RAB1A: variants seen among roughly 807,000 people sequenced by gnomAD.
The protein encoded by RAB1A is ras-related protein Rab-1A.
RAB1A carries 2 observed loss-of-function variants against 26.0 expected under a neutral mutation model. The observed-to-expected ratio is 0.08, with a 90% CI of 0.03 to 0.24. The LOEUF is 0.24. Ranked by LOEUF, RAB1A falls within the 10% of genes least tolerant of loss-of-function variation. The probability of loss-of-function intolerance (pLI) is 1.00; values close to 1 mark genes in which losing one functional copy is unlikely to be tolerated. For synonymous variants in RAB1A, 84 were observed against 84.9 expected (o/e 0.99, Z 0.06); for missense variants, 100 against 247.0 (o/e 0.40, Z 3.99).
intron 1 of RAB1A, among the ~76,000 whole-genome samples, chr2:65,116,377 G>C (rs534848901): frequency 2.0e-5 from 3 of 152,124 alleles, no homozygotes; most frequent in Admixed American, 6.6e-5. Flanking sequence ...TTTGGACCTG[G>C]AAGACCCGTA....
At chr2:65,106,717 C>A (rs1430288988) in intron 1 of RAB1A, among the ~76,000 whole-genome samples, 1 of 81,838 alleles carries the variant, frequency 1.2e-5, no homozygotes, top group African/African-American at 4.1e-5. Context: ...GACATCCTTT[C>A]CAGTTTGAGA....
At chr2:65,101,374 T>C (rs908189847) in intron 2 of RAB1A, among the ~76,000 whole-genome samples, 10 of 152,192 alleles carry the variant, frequency 6.6e-5, no homozygotes, top group South Asian at 2.1e-4. Flanking sequence ...CCTCAGCCAA[T>C]AGATTCTTCC....
At chr2:65,116,316 GAAC>G (rs1669825320) in intron 1 of RAB1A, among the ~76,000 whole-genome samples, 1 of 152,128 alleles carries the variant, frequency 6.6e-6, no homozygotes, top group African/African-American at 2.4e-5. Flanking sequence ...AACACACCAA[GAAC>G]GGGGTGTCAA....
rs981034396 is a variant in RAB1A at position 65,087,845 on chromosome 2, TCAAAA to T, written c.*643_*647del. 2 of 152,672 alleles carry T rather than the reference TCAAAA, an allele frequency of 1.3e-5. No individual in the cohort carries two copies. The highest frequency in any genetic ancestry group is 2.9e-5 in the Non-Finnish European group (2 of 68,060). 9.5% of individuals were successfully genotyped at this position (152,672 alleles called of 1,614,324 possible). Reference sequence around the variant, plus strand: ...CTCTATTTCCCTTTAACCATAAGAATCAAAACAATACTTATCACCATACAGTTTGA... The same window carrying T: ...CTCTATTTCCCTTTAACCATAAGAATCAATACTTATCACCATACAGTTTGA... On this transcript the variant is annotated 3_prime_UTR_variant, in exon 6 of 6. Coordinates refer to ENST00000409784, the MANE Select transcript of RAB1A (RefSeq NM_004161.5).
intron 1 of RAB1A, among the ~76,000 whole-genome samples, chr2:65,118,917 A>AGT (rs1378389011): frequency 2.0e-5 from 3 of 152,186 alleles, no homozygotes; most frequent in African/African-American, 7.2e-5. Flanking sequence ...GGCCAGGTAC[A>AGT]GTGGCTCATG....
At position 65,087,194 on chromosome 2, in the gene RAB1A, TCA is replaced by T. The variant is rs1487858749; in HGVS notation, c.*1297_*1298del. ...GTGTGGGCAGAAGATTTTTTATTCCTCACAATTAAAAACCAAACAAAACCCCC... is the reference window on the plus strand; with the variant it reads ...GTGTGGGCAGAAGATTTTTTATTCCTCAATTAAAAACCAAACAAAACCCCC... On this transcript the variant is annotated 3_prime_UTR_variant, in exon 6 of 6. Transcript: ENST00000409784. 1 of 152,492 alleles carries T rather than the reference TCA, an allele frequency of 6.6e-6. No homozygotes were observed. The highest frequency in any genetic ancestry group is 1.9e-4 in the East Asian group (1 of 5,198). The allele number at this position is 152,492 out of a possible 1,614,324, so 9.4% of individuals were successfully genotyped here. A position where few individuals can be genotyped will look rare whatever the true frequency, so the allele number is the denominator to read the frequency against.
intron 1 of RAB1A, chr2:65,106,261 T>G (rs1314218361): frequency 1.9e-5 from 4 of 211,170 alleles, no homozygotes; most frequent in Non-Finnish European, 3.9e-5. Context: ...ACCTTAGAAT[T>G]TATATATCGT....
At chr2:65,118,109 T>G (rs6546127) in intron 1 of RAB1A, among the ~76,000 whole-genome samples, 136,012 of 152,174 alleles carry the variant, frequency 0.89, 60,906 homozygotes, top group East Asian at 1. Flanking sequence ...AAACTTTCTG[T>G]CTGGTGGGAA....
chr2:65,126,450 AC>A (rs1440822697), intron 1 of RAB1A, among the ~76,000 whole-genome samples: 2 of 152,156 alleles, frequency 1.3e-5, no homozygotes, highest in Non-Finnish European at 2.9e-5. Flanking sequence ...CAAAAAAAAA[AC>A]AAAACAAACA....
chr2:65,103,143 T>G (rs539986248), intron 2 of RAB1A, among the ~76,000 whole-genome samples: 1 of 151,484 alleles, frequency 6.6e-6, no homozygotes, highest in African/African-American at 2.4e-5. Flanking sequence ...CAGTGAGACC[T>G]TGTCACTACA....
At chr2:65,103,552 A>C (rs188227117) in intron 2 of RAB1A, among the ~76,000 whole-genome samples, 19 of 152,232 alleles carry the variant, frequency 1.2e-4, no homozygotes, top group African/African-American at 4.6e-4. Context: ...AATTTTACCC[A>C]CATGCTTTTG....
intron 1 of RAB1A, among the ~76,000 whole-genome samples, chr2:65,108,093 C>A (rs1217712317): frequency 6.7e-6 from 1 of 149,440 alleles, no homozygotes; most frequent in Non-Finnish European, 1.5e-5. Context: ...TATTTCAGAG[C>A]AACCATAAAG....
At chr2:65,098,836 C>CTTTTTTTTTTT (rs70943624) in intron 2 of RAB1A, among the ~76,000 whole-genome samples, 40 of 103,362 alleles carry the variant, frequency 3.9e-4, no homozygotes, top group Non-Finnish European at 4.4e-4. Context: ...AACAGTACTT[C>CTTTTTTTTTTT]TTTTTTTTTT....
rs192076272 is a variant in RAB1A at position 65,103,441 on chromosome 2, G to A, written c.96+1293C>T. ...GGACAATCTTCAATAAAAATGGCAC[G>A]GCTTGTTTTTGTTCCTGTGAGGGCA... On this transcript the variant is annotated intron_variant, in intron 2 of 5. Coordinates refer to ENST00000409784, the MANE Select transcript of RAB1A (RefSeq NM_004161.5). Among the ~76,000 whole-genome samples the A allele has an allele frequency of 4.6e-5, 7 of 151,958 alleles. No individual in the cohort carries two copies. The East Asian group carries it at 5.8e-4, about 13-fold the overall frequency.
At chr2:65,120,383 G>A (rs1276960068) in intron 1 of RAB1A, among the ~76,000 whole-genome samples, 1 of 149,908 alleles carries the variant, frequency 6.7e-6, no homozygotes, top group Non-Finnish European at 1.5e-5. Flanking sequence ...TTGAACCTGG[G>A]AGGTGGAGGT....
chr2:65,118,827 T>C (rs1669883200), intron 1 of RAB1A, among the ~76,000 whole-genome samples: 1 of 152,170 alleles, frequency 6.6e-6, no homozygotes, highest in Non-Finnish European at 1.5e-5. Context: ...AAATTCTCCA[T>C]GTGTGTACCT....
chr2:65,112,576 C>G (rs1174837323), intron 1 of RAB1A, among the ~76,000 whole-genome samples: 2 of 152,100 alleles, frequency 1.3e-5, no homozygotes, highest in African/African-American at 4.8e-5. Flanking sequence ...GTGAAAAATT[C>G]TGTTGAACTG....
chr2:65,120,211 A>G (rs1300501148), intron 1 of RAB1A, among the ~76,000 whole-genome samples: 3 of 152,126 alleles, frequency 2.0e-5, no homozygotes, highest in Admixed American at 1.3e-4. Context: ...TAATCCCAGC[A>G]CTTTGGGAGG....
At chr2:65,119,312 C>G (rs970950198) in intron 1 of RAB1A, among the ~76,000 whole-genome samples, 1 of 152,072 alleles carries the variant, frequency 6.6e-6, no homozygotes, top group Admixed American at 6.6e-5. Flanking sequence ...TCGAGACCAG[C>G]GTGGTCAACA....
Sources: allele counts gnomAD v4.1 joint callset (sites outside exome capture counted in the v4.1 genomes callset), GRCh38; gene constraint gnomAD v4.1.1; transcripts MANE v1.5; gene names NCBI Gene and HGNC (gene_info 2026-07-23, HGNC 2026-07-21).